Variants in TTK observed in about 807,000 individuals in gnomAD.
The protein encoded by TTK is TTK protein kinase, also known as dual specificity protein kinase TTK.
TTK carries 59 observed loss-of-function variants against 117.3 expected under a neutral mutation model. That is an observed-to-expected ratio of 0.50 (90% CI 0.41 to 0.62). The LOEUF is 0.62. Among genes scored for constraint, TTK ranks in the 20% least tolerant of loss-of-function variants. TTK has a pLI of 0.00. For missense variants in TTK, 921 were observed against 989.4 expected, an observed-to-expected ratio of 0.93 and a Z score of 0.93; for synonymous variants, 302 against 325.0, an observed-to-expected ratio of 0.93 and a Z score of 0.76.
intron 17 of TTK, 121 bp from the exon 18 acceptor site, chr6:80,037,846 A>T (rs1767944772): frequency 2.4e-6 from 1 of 424,364 alleles, no homozygotes; most frequent in African/African-American, 2.3e-5. Context: ...TTGTATTTTT[A>T]AGAATCTAAA....
At chr6:80,034,144 A>G (rs1263062317) in intron 14 of TTK, among the ~76,000 whole-genome samples, 1 of 152,186 alleles carries the variant, frequency 6.6e-6, no homozygotes, top group Non-Finnish European at 1.5e-5. Flanking sequence ...CCTCAAAGAA[A>G]GTAACATGCT....
At chr6:80,040,099 A>G (rs1768006215) in intron 19 of TTK, 97 bp from the exon 20 acceptor site, 1 of 1,083,732 alleles carries the variant, frequency 9.2e-7, no homozygotes, top group Non-Finnish European at 1.2e-6. Flanking sequence ...TCTAAAAAGT[A>G]ACTTTTATAA....
rs1241897225 is a variant in TTK at position 80,007,803 on chromosome 6, A to G, written c.140-6A>G. The G allele has an allele frequency of 2.5e-6, 4 of 1,598,432 alleles. No individual in the cohort carries two copies. Among genetic ancestry groups the G allele is most frequent in the Non-Finnish European group, 3.4e-6 (4 of 1,171,970 alleles). On this transcript the variant is annotated splice_polypyrimidine_tract_variant and splice_region_variant and intron_variant, in intron 2 of 21. Transcript: ENST00000369798. ...TCTTGTGATATATTTTGTTCCCCTTATTTAGATAACTCGGGAACTGTTAAC... is the reference window on the plus strand; with the variant it reads ...TCTTGTGATATATTTTGTTCCCCTTGTTTAGATAACTCGGGAACTGTTAAC...
At chr6:80,035,534 T>A in intron 16 of TTK, 117 bp downstream of exon 16, 2 of 1,037,400 alleles carry the variant, frequency 1.9e-6, no homozygotes, top group Non-Finnish European at 2.7e-6. Flanking sequence ...CGAGATCAAC[T>A]AAATAATTAG....
Position 80,024,475 on chromosome 6 carries a change from T to C in TTK, c.1258-1903T>C, listed in dbSNP as rs150100428. On this transcript the variant is annotated intron_variant, in intron 11 of 21. Coordinates refer to ENST00000369798, the MANE Select transcript of TTK (RefSeq NM_003318.5). ...ACAACATAAGTGAACATTTACAACG[T>C]GCTAAGTGAAAGAAGCTCACCACAA... is the stretch of plus-strand genomic sequence containing the variant. Among the ~76,000 whole-genome samples, 37 of 152,284 alleles carry C rather than the reference T, an allele frequency of 2.4e-4. No homozygotes were observed. In the East Asian group the frequency reaches 6.8e-3, roughly 28 times the overall value.
chr6:80,028,153 C>T (rs3757177), intron 13 of TTK, 142 bp downstream of exon 13: 48 of 890,366 alleles, frequency 5.4e-5, no homozygotes, highest in Non-Finnish European at 7.5e-5. Flanking sequence ...TTCTGATATT[C>T]TAATAAGAGT....
chr6:80,028,879 T>C (rs1401578791), intron 13 of TTK, among the ~76,000 whole-genome samples: 1 of 152,154 alleles, frequency 6.6e-6, no homozygotes, highest in Admixed American at 6.6e-5. Context: ...GCATGAATCT[T>C]AGCCTCACTA....
At chr6:80,030,374 G>A (rs1323974044) in intron 13 of TTK, among the ~76,000 whole-genome samples, 5 of 152,176 alleles carry the variant, frequency 3.3e-5, no homozygotes, top group African/African-American at 1.2e-4. Context: ...TGGGGAAGAC[G>A]CTGAGGTTCT....
At chr6:80,036,063 G>A (rs921862306) in intron 16 of TTK, among the ~76,000 whole-genome samples, 2 of 152,024 alleles carry the variant, frequency 1.3e-5, no homozygotes, top group African/African-American at 4.8e-5. Context: ...TTACTGTCTG[G>A]CAGTATAATT....
At chr6:80,039,939 A>G in intron 19 of TTK, 67 bp downstream of exon 19, 1 of 1,278,474 alleles carries the variant, frequency 7.8e-7, no homozygotes, top group Non-Finnish European at 1.0e-6. Flanking sequence ...GGAATTATGT[A>G]ACTGGCTTAG....
intron 16 of TTK, 107 bp from the exon 17 acceptor site, chr6:80,036,368 G>A (rs1023133894): frequency 7.7e-7 from 1 of 1,294,560 alleles, no homozygotes; most frequent in African/African-American, 1.5e-5. Context: ...ATTGAATTGG[G>A]TTCACTAATT....
Position 80,035,254 on chromosome 6 carries a change from G to A in TTK, c.1773-12G>A, listed in dbSNP as rs1308258900. 1 of 1,575,650 alleles carries A rather than the reference G, an allele frequency of 6.3e-7. No individual in the cohort carries two copies. The highest frequency in any genetic ancestry group is 1.4e-5 in the African/African-American group (1 of 72,862). ...ATTTATTGTTTTGTTGCTTTTATTT[G>A]TTTAATTGCAGTGAAATCACGGACC... On this transcript the variant is annotated splice_polypyrimidine_tract_variant and intron_variant, in intron 15 of 21. Coordinates refer to ENST00000369798, the MANE Select transcript of TTK (RefSeq NM_003318.5).
In TTK at chr6:80,008,601, T is replaced by A. The variant is rs1767058221; in HGVS notation, c.469+109T>A. The A allele has an allele frequency of 1.7e-5, 16 of 967,152 alleles. 1 individual carries two copies. The South Asian group carries it at 2.0e-4, about 12-fold the overall frequency. 59.9% of individuals were successfully genotyped at this position (967,152 alleles called of 1,614,324 possible). On this transcript the variant is annotated intron_variant, in intron 4 of 21. Transcript: ENST00000369798. ...AGTGGAAATTTGAGGCAAAAGACAT[T>A]AAAGTTGATCAGATGAGAATATGGG... is the stretch of plus-strand genomic sequence containing the variant.
intron 16 of TTK, among the ~76,000 whole-genome samples, chr6:80,036,038 A>G (rs1767898757): frequency 6.6e-6 from 1 of 152,110 alleles, no homozygotes; most frequent in Admixed American, 6.6e-5. Context: ...TGGAGATGTC[A>G]GGAGCATTAG....
chr6:80,028,151 T>C (rs974042775), intron 13 of TTK, 140 bp downstream of exon 13: 9 of 916,998 alleles, frequency 9.8e-6, no homozygotes, highest in Non-Finnish European at 1.4e-5. Context: ...TTTTCTGATA[T>C]TCTAATAAGA....
chr6:80,040,758 C>T lies in TTK; in HGVS notation c.2490+55C>T, dbSNP rs1768028457. 3 of 1,537,466 alleles carry T rather than the reference C, an allele frequency of 2.0e-6. No individual in the cohort carries two copies. The South Asian group carries it at 3.6e-5, about 18-fold the overall frequency. Reference sequence around the variant, plus strand: ...TTACTGTTTTATATAGTGAATTCGACACTTAAGGAAACAGGTAGTCTGAAG... The same window carrying T: ...TTACTGTTTTATATAGTGAATTCGATACTTAAGGAAACAGGTAGTCTGAAG... On this transcript the variant is annotated intron_variant, in intron 21 of 21. Transcript: ENST00000369798.
chr6:80,040,021 T>C, intron 19 of TTK, 149 bp downstream of exon 19: 1 of 1,004,724 alleles, frequency 1.0e-6, no homozygotes, highest in Admixed American at 3.7e-5. Flanking sequence ...TTAAAGCTTG[T>C]AAATACTTGG....
intron 8 of TTK, 121 bp downstream of exon 8, chr6:80,012,101 G>T: frequency 1.3e-6 from 1 of 777,064 alleles, no homozygotes; most frequent in Non-Finnish European, 1.9e-6. Flanking sequence ...AGTTTTAGAA[G>T]ATAATCTCTA....
chr6:80,016,389 G>T (rs532816327), intron 10 of TTK, among the ~76,000 whole-genome samples: 66 of 152,096 alleles, frequency 4.3e-4, no homozygotes, highest in African/African-American at 1.6e-3. Context: ...TTAATTTTAG[G>T]CATTCTGATG....
Sources: allele counts gnomAD v4.1 joint callset (sites outside exome capture counted in the v4.1 genomes callset), GRCh38; gene constraint gnomAD v4.1.1; transcripts MANE v1.5; gene names NCBI Gene and HGNC (gene_info 2026-07-23, HGNC 2026-07-21).